GPR39: variants seen among roughly 807,000 people sequenced by gnomAD.
GPR39 encodes G protein-coupled receptor 39.
Under a neutral mutation model 18.4 loss-of-function variants are expected in GPR39, and 23 were observed. That is an observed-to-expected ratio of 1.25 (90% CI 0.90 to 1.77). The LOEUF is 1.77. Among genes scored for constraint, GPR39 ranks in the 40% most tolerant of loss-of-function variants. GPR39 has a pLI of 0.00. For missense variants in GPR39, 647 were observed against 602.4 expected (o/e 1.07, Z -0.78); for synonymous variants, 280 against 257.9 (o/e 1.09, Z -0.82).
At chr2:132,608,484 C>T (rs1681180191) in intron 1 of GPR39, among the ~76,000 whole-genome samples, 1 of 152,200 alleles carries the variant, frequency 6.6e-6, no homozygotes, top group Non-Finnish European at 1.5e-5. Flanking sequence ...TCCTTTTTGA[C>T]TCGGCTCTAG....
intron 1 of GPR39, among the ~76,000 whole-genome samples, chr2:132,549,639 T>C (rs1265692690): frequency 2.0e-5 from 3 of 151,946 alleles, no homozygotes; most frequent in Admixed American, 2.0e-4. Flanking sequence ...ATACAAAAAA[T>C]TAGCCAGACG....
At chr2:132,458,927 GTC>G (rs1038361251) in intron 1 of GPR39, among the ~76,000 whole-genome samples, 21 of 152,240 alleles carry the variant, frequency 1.4e-4, no homozygotes, top group African/African-American at 4.8e-4. Context: ...ATATCTGTGT[GTC>G]TCCTTATTCA....
intron 1 of GPR39, among the ~76,000 whole-genome samples, chr2:132,596,287 C>T (rs1039629331): frequency 2.8e-5 from 4 of 142,776 alleles, no homozygotes; most frequent in Non-Finnish European, 6.1e-5. Context: ...CCTTCCTTTT[C>T]TCTCCTCTCA....
chr2:132,464,910 G>A (rs1407634926), intron 1 of GPR39, among the ~76,000 whole-genome samples: 2 of 152,162 alleles, frequency 1.3e-5, no homozygotes, highest in Non-Finnish European at 2.9e-5. Flanking sequence ...GGGGGCATGG[G>A]GCAATACCAG....
chr2:132,540,552 G>A (rs1679843977), intron 1 of GPR39, among the ~76,000 whole-genome samples: 1 of 152,154 alleles, frequency 6.6e-6, no homozygotes, highest in South Asian at 2.1e-4. Flanking sequence ...CTGGACCCCG[G>A]AGCATCACCC....
In GPR39 at chr2:132,646,084, G is replaced by T. The variant is rs1682057476; in HGVS notation, c.*478G>T. 6.2e-7 allele frequency: 1 copy of T among 1,603,530 alleles called. No homozygotes were observed. ...AGAAGAGGGCTAATTTGAGGAACAG[G>T]ATGGTGGTGCGGAGCCCTGGCCTGA... On this transcript the variant is annotated 3_prime_UTR_variant, in exon 2 of 2. Transcript: ENST00000329321.
chr2:132,605,022 T>A (rs190586621), intron 1 of GPR39: 88 of 152,312 alleles, frequency 5.8e-4, no homozygotes, highest in African/African-American at 2.0e-3. Context: ...AAGATACATG[T>A]GATATAGGTA....
intron 1 of GPR39, among the ~76,000 whole-genome samples, chr2:132,531,360 C>T (rs534391151): frequency 6.6e-6 from 1 of 152,284 alleles, no homozygotes; most frequent in South Asian, 2.1e-4. Flanking sequence ...AGAGCAAGTC[C>T]TTAGTGACCT....
intron 1 of GPR39, among the ~76,000 whole-genome samples, chr2:132,612,224 TC>T (rs1681250422): frequency 1.3e-5 from 2 of 152,134 alleles, no homozygotes; most frequent in African/African-American, 4.8e-5. Context: ...TGAAATTTGC[TC>T]TCCATCTCAG....
At chr2:132,623,804 C>T (rs1461587325) in intron 1 of GPR39, among the ~76,000 whole-genome samples, 1 of 152,160 alleles carries the variant, frequency 6.6e-6, no homozygotes, top group Non-Finnish European at 1.5e-5. Context: ...GAAGCCCGCA[C>T]AATTGCCTTG....
intron 1 of GPR39, among the ~76,000 whole-genome samples, chr2:132,627,483 C>G (rs1341931450): frequency 6.6e-6 from 1 of 152,242 alleles, no homozygotes; most frequent in East Asian, 1.9e-4. Context: ...TATCAAATGT[C>G]AATATGCCGA....
intron 1 of GPR39, among the ~76,000 whole-genome samples, chr2:132,458,844 T>C (rs1327143002): frequency 6.6e-6 from 1 of 152,178 alleles, no homozygotes; most frequent in Non-Finnish European, 1.5e-5. Context: ...TGAGCAATTA[T>C]AGAGCTGTTC....
intron 1 of GPR39, among the ~76,000 whole-genome samples, chr2:132,462,985 G>A (rs967734725): frequency 6.6e-6 from 1 of 152,094 alleles, no homozygotes; most frequent in Non-Finnish European, 1.5e-5. Context: ...CTTACCACAA[G>A]CATGTTTCCA....
intron 1 of GPR39, among the ~76,000 whole-genome samples, chr2:132,576,450 C>T (rs1291847316): frequency 6.6e-6 from 1 of 152,040 alleles, no homozygotes; most frequent in Non-Finnish European, 1.5e-5. Context: ...CCCAGGAATT[C>T]GAGACCAGCC....
chr2:132,435,112 C>T (rs946896938), intron 1 of GPR39, among the ~76,000 whole-genome samples: 1 of 152,124 alleles, frequency 6.6e-6, no homozygotes, highest in African/African-American at 2.4e-5. Context: ...GAAAGTAAAG[C>T]AAACGGTGAA....
chr2:132,556,066 G>A (rs764988523), intron 1 of GPR39, among the ~76,000 whole-genome samples: 3 of 151,984 alleles, frequency 2.0e-5, no homozygotes, highest in Admixed American at 6.6e-5. Flanking sequence ...GTCCAGGGTC[G>A]TGCTTTGAGA....
At chr2:132,559,226 C>A (rs548737323) in intron 1 of GPR39, among the ~76,000 whole-genome samples, 32 of 152,266 alleles carry the variant, frequency 2.1e-4, no homozygotes, top group African/African-American at 7.2e-4. Context: ...AGGATCGGAA[C>A]TTTATGTGGC....
Position 132,503,442 on chromosome 2 carries a change from C to T in GPR39, c.856+85544C>T, listed in dbSNP as rs1311355028. Among the ~76,000 whole-genome samples, 5 of 152,156 alleles carry T rather than the reference C, an allele frequency of 3.3e-5. No individual in the cohort carries two copies. In the East Asian group the frequency reaches 5.8e-4, roughly 18 times the overall value. Reference sequence around the variant, plus strand: ...ATGACCCGTCTTCAGATCTTCCAGTCGTGGATACCAGCACCTGCTTTGATG... The same window carrying T: ...ATGACCCGTCTTCAGATCTTCCAGTTGTGGATACCAGCACCTGCTTTGATG... On this transcript the variant is annotated intron_variant, in intron 1 of 1. Coordinates refer to ENST00000329321, the MANE Select transcript of GPR39 (RefSeq NM_001508.3).
chr2:132,423,319 C>A (rs1331345098), intron 1 of GPR39, among the ~76,000 whole-genome samples: 1 of 152,094 alleles, frequency 6.6e-6, no homozygotes, highest in Non-Finnish European at 1.5e-5. Context: ...GTCTCTTGCT[C>A]TTCTTATAAG....
Sources: gnomAD v4.1 joint callset for allele counts (sites outside exome capture counted in the v4.1 genomes callset) on GRCh38, gnomAD v4.1.1 for gene constraint, MANE v1.5 for transcripts, NCBI Gene and HGNC (gene_info 2026-07-23, HGNC 2026-07-21) for gene names.